Variants in TOX observed in about 807,000 individuals in gnomAD.
TOX encodes thymocyte selection-associated high mobility group box protein TOX.
Under a neutral mutation model 53.7 loss-of-function variants are expected in TOX, and 11 were observed. The ratio of observed to expected loss-of-function variants is 0.20; its 90% confidence interval spans 0.13 to 0.34. The LOEUF (loss-of-function observed/expected upper bound fraction) is 0.34, where lower values mean the gene tolerates loss of function less well. Ranked by LOEUF, TOX falls within the 10% of genes least tolerant of loss-of-function variation. The pLI is 1.00. For missense variants in TOX, 570 were observed against 664.6 expected, an observed-to-expected ratio of 0.86 and a Z score of 1.56; for synonymous variants, 225 against 245.3, an observed-to-expected ratio of 0.92 and a Z score of 0.77.
intron 1 of TOX, among the ~76,000 whole-genome samples, chr8:58,999,888 A>G (rs191268959): frequency 6.8e-4 from 103 of 152,342 alleles, no homozygotes; most frequent in Middle Eastern, 3.4e-3. Context: ...AGGAATTTAC[A>G]TAGTAGACAC....
At chr8:59,047,330 C>A (rs1258972095) in intron 1 of TOX, among the ~76,000 whole-genome samples, 4 of 150,848 alleles carry the variant, frequency 2.7e-5, no homozygotes, top group African/African-American at 9.7e-5. Context: ...CATTCTCCTG[C>A]CTCAGCCTCC....
chr8:59,012,710 A>T (rs781198121), intron 1 of TOX, among the ~76,000 whole-genome samples: 7 of 152,150 alleles, frequency 4.6e-5, no homozygotes, highest in Non-Finnish European at 1.0e-4. Context: ...TTTTTTAGAA[A>T]ATCACCTTTT....
At chr8:58,958,171 T>G (rs1812742034) in intron 2 of TOX, among the ~76,000 whole-genome samples, 1 of 152,206 alleles carries the variant, frequency 6.6e-6, no homozygotes, top group African/African-American at 2.4e-5. Context: ...AAATTATCAC[T>G]GGTATCCAAA....
At chr8:58,866,983 TC>T (rs1811114319) in intron 3 of TOX, among the ~76,000 whole-genome samples, 2 of 152,170 alleles carry the variant, frequency 1.3e-5, no homozygotes, top group South Asian at 4.1e-4. Context: ...TTTACATTGA[TC>T]AACTGAGGGA....
At position 59,118,418 on chromosome 8, in the gene TOX, C is replaced by G. The variant is rs113552308; in HGVS notation, c.102+468G>C. Among the ~76,000 whole-genome samples the G allele has an allele frequency of 6.8e-4, 103 of 152,262 alleles. No homozygotes were observed. The highest frequency in any genetic ancestry group is 3.4e-3 in the Middle Eastern group (1 of 294). On this transcript the variant is annotated intron_variant, in intron 1 of 8. Transcript: ENST00000361421. This position sits in a 1 kb window ranked among gnomAD's most constrained non-coding sequence, Gnocchi z 4.1. The stretch of plus-strand genomic sequence containing the variant: ...TCCCAGGTCCCTGCACCCCGACTCC[C>G]GGCTGCTCCCCTGGCAACTAATCCG...
At chr8:59,033,414 A>T (rs1224659345) in intron 1 of TOX, among the ~76,000 whole-genome samples, 1 of 152,220 alleles carries the variant, frequency 6.6e-6, no homozygotes, top group Non-Finnish European at 1.5e-5. Flanking sequence ...GCAGAATTTC[A>T]GTTGGGGATG....
chr8:59,114,490 T>G (rs147813456), intron 1 of TOX, among the ~76,000 whole-genome samples: 2 of 152,216 alleles, frequency 1.3e-5, no homozygotes, highest in South Asian at 4.1e-4. Flanking sequence ...CATAGGCATT[T>G]ATTTAAAACA....
In TOX at chr8:58,826,897, A is replaced by G. The variant is rs370108565; in HGVS notation, c.930T>C (p.Tyr310=). 1.9e-5 allele frequency: 30 copies of G among 1,611,300 alleles called. No individual in the cohort carries two copies. The highest frequency in any genetic ancestry group is 2.5e-5 in the Non-Finnish European group (29 of 1,178,844). ...TCTTCGCAGCCTCGGTTTTCTTTTT[A>G]TAGACCTGCAACAACAGCAAAGAGT... is the stretch of plus-strand genomic sequence containing the variant. ...DGLGEEQKQV[Y]KKKTEAAKKE... is the part of the protein sequence containing the mutation. The change falls in exon 6 of 9, where the codon TAT becomes TAC. Residue 310 remains tyrosine (Y), a synonymous_variant. Coordinates refer to ENST00000361421, the MANE Select transcript of TOX (RefSeq NM_014729.3).
chr8:58,997,767 C>A (rs965145923), intron 1 of TOX, among the ~76,000 whole-genome samples: 1 of 152,092 alleles, frequency 6.6e-6, no homozygotes. Flanking sequence ...TAGGATTATA[C>A]ATTTGGAAAC....
At chr8:59,066,048 A>T (rs955487326) in intron 1 of TOX, among the ~76,000 whole-genome samples, 2 of 152,224 alleles carry the variant, frequency 1.3e-5, no homozygotes, top group African/African-American at 4.8e-5. Context: ...TGGAAGGTAC[A>T]CAGGAAAAAA....
intron 3 of TOX, among the ~76,000 whole-genome samples, chr8:58,929,292 T>C (rs1812219701): frequency 6.6e-6 from 1 of 152,114 alleles, no homozygotes; most frequent in Non-Finnish European, 1.5e-5. Flanking sequence ...AAAAGGAAAG[T>C]CAAATCTAGT....
At chr8:58,908,708 C>T (rs575328674) in intron 3 of TOX, among the ~76,000 whole-genome samples, 6 of 152,128 alleles carry the variant, frequency 3.9e-5, no homozygotes, top group Non-Finnish European at 8.8e-5. Context: ...TTGATTATCA[C>T]AAGAGCCAAT....
chr8:58,911,631 G>A (rs929063075), intron 3 of TOX, among the ~76,000 whole-genome samples: 8 of 152,174 alleles, frequency 5.3e-5, no homozygotes, highest in Admixed American at 2.6e-4. Flanking sequence ...TGATTATTCC[G>A]AACTGCAGTG....
intron 1 of TOX, among the ~76,000 whole-genome samples, chr8:58,981,001 TTCTC>T (rs754311478): frequency 9.8e-5 from 15 of 152,338 alleles, no homozygotes; most frequent in Non-Finnish European, 1.8e-4. Flanking sequence ...TCCAACTTTA[TTCTC>T]TCTGTTTATT....
intron 3 of TOX, among the ~76,000 whole-genome samples, chr8:58,860,759 G>A (rs148638466): frequency 6.6e-6 from 1 of 152,202 alleles, no homozygotes; most frequent in African/African-American, 2.4e-5. Flanking sequence ...ACAGATAAAG[G>A]TTGAACTTAT....
chr8:59,018,910 T>C (rs1167059671), intron 1 of TOX, among the ~76,000 whole-genome samples: 1 of 152,214 alleles, frequency 6.6e-6, no homozygotes, highest in Non-Finnish European at 1.5e-5. Flanking sequence ...ATGGTTAGCC[T>C]AGCTCATGGT....
In TOX at chr8:58,935,640, AT is replaced by A. The variant is rs1420264801; in HGVS notation, c.411+3661del. Reference sequence around the variant, plus strand: ...CATTTAAACTCTCATATCTGTAGACATTATTTTCCTGTCTAATGGGCACTGA... The same window carrying A: ...CATTTAAACTCTCATATCTGTAGACATATTTTCCTGTCTAATGGGCACTGA... On this transcript the variant is annotated intron_variant, in intron 3 of 8. Coordinates refer to ENST00000361421, the MANE Select transcript of TOX (RefSeq NM_014729.3). Among the ~76,000 whole-genome samples, 4 of 152,192 alleles carry A rather than the reference AT, an allele frequency of 2.6e-5. No homozygotes were observed. The East Asian group carries it at 7.7e-4, about 29-fold the overall frequency.
intron 1 of TOX, among the ~76,000 whole-genome samples, chr8:59,073,397 A>T (rs1804234643): frequency 6.6e-6 from 1 of 152,190 alleles, no homozygotes; most frequent in African/African-American, 2.4e-5. Flanking sequence ...TAAAAACAAC[A>T]GCAATAACAA....
At chr8:58,823,738 A>G (rs1025888575) in intron 6 of TOX, among the ~76,000 whole-genome samples, 5 of 152,228 alleles carry the variant, frequency 3.3e-5, no homozygotes, top group Admixed American at 1.3e-4. Flanking sequence ...CTCAGCACCC[A>G]GCCCAGTGTC....
Sources: allele counts gnomAD v4.1 joint callset (sites outside exome capture counted in the v4.1 genomes callset), GRCh38; gene constraint gnomAD v4.1.1; non-coding constraint Gnocchi (gnomAD v3.1); transcripts MANE v1.5; gene names NCBI Gene and HGNC (gene_info 2026-07-23, HGNC 2026-07-21).